The following ATXN1 variants were observed in gnomAD, a reference collection of about 807,000 sequenced individuals.
The protein encoded by ATXN1 is ataxin-1.
ATXN1 carries 8 observed loss-of-function variants against 56.4 expected under a neutral mutation model. The ratio of observed to expected loss-of-function variants is 0.14; its 90% CI spans 0.08 to 0.26. The LOEUF is 0.26. Ranked by LOEUF, ATXN1 falls within the 10% of genes least tolerant of loss-of-function variation. ATXN1 has a pLI of 1.00. For missense variants in ATXN1, 987 were observed against 1,106.5 expected, an observed-to-expected ratio of 0.89 and a Z score of 1.53; for synonymous variants, 514 against 494.6, an observed-to-expected ratio of 1.04 and a Z score of -0.52.
At chr6:16,405,841 A>C (rs1032825292) in intron 6 of ATXN1, among the ~76,000 whole-genome samples, 6 of 152,114 alleles carry the variant, frequency 3.9e-5, no homozygotes, top group African/African-American at 1.4e-4. Context: ...GAAGACATTA[A>C]ATTTACTGGC....
intron 6 of ATXN1, among the ~76,000 whole-genome samples, chr6:16,377,089 T>C (rs1160265897): frequency 1.3e-5 from 2 of 152,182 alleles, no homozygotes; most frequent in Non-Finnish European, 2.9e-5. Context: ...GCGACCTTGC[T>C]CCTTCCACCA....
rs1389670232 is a variant in ATXN1, at chr6:16,726,444, T to C, written c.-615+26789A>G. ...CCACTAACATTAAGAGATTTTCATA[T>C]GTATAATATCTTAGTGTCACTGCTA... On this transcript the variant is annotated intron_variant, in intron 2 of 7. Transcript: ENST00000436367. 2.0e-5 allele frequency among the ~76,000 whole-genome samples: 3 copies of C among 151,636 alleles called. No homozygotes were observed. The East Asian group carries it at 5.8e-4, about 29-fold the overall frequency.
intron 2 of ATXN1, among the ~76,000 whole-genome samples, chr6:16,744,695 G>A (rs1239117912): frequency 6.6e-6 from 1 of 152,168 alleles, no homozygotes; most frequent in Non-Finnish European, 1.5e-5. Context: ...TTCCCAAGGG[G>A]AAAAGTGAGC....
intron 6 of ATXN1, among the ~76,000 whole-genome samples, chr6:16,478,913 C>T (rs1335045781): frequency 1.3e-5 from 2 of 152,158 alleles, no homozygotes; most frequent in African/African-American, 2.4e-5. Flanking sequence ...CAGCCTGGGA[C>T]CTGTGCAGGG....
chr6:16,556,219 A>G (rs559393729), intron 4 of ATXN1, among the ~76,000 whole-genome samples: 1 of 152,264 alleles, frequency 6.6e-6, no homozygotes, highest in African/African-American at 2.4e-5. Context: ...ATTTTGGGGA[A>G]AAAAACTACC....
At chr6:16,432,090 T>C (rs531937173) in intron 6 of ATXN1, among the ~76,000 whole-genome samples, 51 of 152,344 alleles carry the variant, frequency 3.3e-4, no homozygotes, top group Admixed American at 5.2e-4. Flanking sequence ...TTCAACCTAC[T>C]TTGGCAACAT....
chr6:16,351,775 T>C (rs1410915429), intron 6 of ATXN1, among the ~76,000 whole-genome samples: 1 of 152,206 alleles, frequency 6.6e-6, no homozygotes, highest in Admixed American at 6.5e-5. Flanking sequence ...AGGCCTCCTT[T>C]CAGTATCGCA....
At position 16,611,864 on chromosome 6, in the gene ATXN1, T is replaced by TTTTA. The variant is rs1218773117; in HGVS notation, c.-488-25958_-488-25957insTAAA. On this transcript the variant is annotated intron_variant, in intron 3 of 7. Transcript: ENST00000436367. ...AGCAGATGAAATTTTTTTTTTTTTT[T>TTTTA]TTTTTTTTTTTTTGAGACAGAGTCT... 4.5e-3 allele frequency among the ~76,000 whole-genome samples: 598 copies of TTTTA among 132,236 alleles called. 6 individuals are homozygous for TTTTA. The highest frequency in any genetic ancestry group is 7.1e-3 in the Non-Finnish European group (434 of 61,244). The allele number at this position is 132,236 out of a possible 152,430, so 86.8% of individuals were successfully genotyped here.
intron 6 of ATXN1, among the ~76,000 whole-genome samples, chr6:16,417,073 C>CGA (rs1341025144): frequency 2.0e-5 from 3 of 152,070 alleles, no homozygotes; most frequent in Admixed American, 2.0e-4. Context: ...GCTCTGTTGC[C>CGA]GAGGCTGGAG....
At chr6:16,391,075 TCACA>T (rs1758345039) in intron 6 of ATXN1, among the ~76,000 whole-genome samples, 1 of 142,554 alleles carries the variant, frequency 7.0e-6, no homozygotes, top group African/African-American at 2.7e-5. Context: ...GGCAGGAGAA[TCACA>T]TGAACCTGGG....
chr6:16,614,479 T>A, intron 3 of ATXN1, among the ~76,000 whole-genome samples: 1 of 151,808 alleles, frequency 6.6e-6, no homozygotes, highest in Non-Finnish European at 1.5e-5. Context: ...AAATTATCAT[T>A]ATCAAAGCGG....
At chr6:16,531,348 C>T (rs1472808694) in intron 4 of ATXN1, among the ~76,000 whole-genome samples, 2 of 152,294 alleles carry the variant, frequency 1.3e-5, no homozygotes, top group Admixed American at 6.5e-5. Flanking sequence ...CCAGGCAGGA[C>T]GCAGTGGCTC....
intron 3 of ATXN1, among the ~76,000 whole-genome samples, chr6:16,654,541 T>TAAAA (rs1212773515): frequency 1.6e-5 from 2 of 122,538 alleles, no homozygotes; most frequent in African/African-American, 3.2e-5. Context: ...GACTCTGCCT[T>TAAAA]AAAAAAAAAA....
chr6:16,674,606 C>T (rs1758621421), intron 2 of ATXN1, among the ~76,000 whole-genome samples: 1 of 151,766 alleles, frequency 6.6e-6, no homozygotes, highest in African/African-American at 2.4e-5. Context: ...ATCTGCCCAC[C>T]TTGGCCTCCG....
chr6:16,388,917 A>C (rs1393674403), intron 6 of ATXN1, among the ~76,000 whole-genome samples: 23 of 152,240 alleles, frequency 1.5e-4, no homozygotes. Context: ...ATTATTTAAA[A>C]AAAATAGAAC....
chr6:16,439,209 GA>G (rs1759452706), intron 6 of ATXN1, among the ~76,000 whole-genome samples: 1 of 151,714 alleles, frequency 6.6e-6, no homozygotes, highest in Non-Finnish European at 1.5e-5. Context: ...AAAAAGCAGA[GA>G]GTTCCTTTAT....
chr6:16,342,727 C>T (rs1761281316), intron 6 of ATXN1, among the ~76,000 whole-genome samples: 1 of 152,232 alleles, frequency 6.6e-6, no homozygotes, highest in African/African-American at 2.4e-5. Context: ...CATGCTATGA[C>T]ATTGATAAAT....
intron 5 of ATXN1, among the ~76,000 whole-genome samples, chr6:16,519,342 G>A (rs1285633628): frequency 6.6e-6 from 1 of 152,186 alleles, no homozygotes; most frequent in Non-Finnish European, 1.5e-5. Flanking sequence ...GGAACTAAGA[G>A]TTCTTACAAT....
At chr6:16,686,969 T>G (rs1395719223) in intron 2 of ATXN1, among the ~76,000 whole-genome samples, 1 of 152,216 alleles carries the variant, frequency 6.6e-6, no homozygotes, top group South Asian at 2.1e-4. Context: ...GTGTTTACAA[T>G]GACACTATAA....
Sources: allele counts gnomAD v4.1 joint callset (sites outside exome capture counted in the v4.1 genomes callset), GRCh38; gene constraint gnomAD v4.1.1; transcripts MANE v1.5; gene names NCBI Gene and HGNC (gene_info 2026-07-23, HGNC 2026-07-21).